The following AHRR variants were observed in gnomAD, a reference collection of about 807,000 sequenced individuals.
AHRR encodes the protein aryl hydrocarbon receptor repressor, also known as ahR repressor.
AHRR carries 28 observed loss-of-function variants against 44.0 expected under a neutral mutation model. The ratio of observed to expected loss-of-function variants is 0.64; its 90% CI spans 0.47 to 0.87. The LOEUF is 0.87. AHRR is among the 40% of genes least tolerant of loss of function. The pLI, the probability that AHRR is intolerant of heterozygous loss-of-function variation, is 0.00. For synonymous variants in AHRR, 434 were observed against 407.0 expected (o/e 1.07, Z -0.80); for missense variants, 990 against 953.9 (o/e 1.04, Z -0.50).
intron 1 of AHRR, among the ~76,000 whole-genome samples, chr5:324,057 C>CTCTCTT (rs1741614065): frequency 6.8e-6 from 1 of 146,262 alleles, no homozygotes; most frequent in African/African-American, 2.8e-5. Flanking sequence ...CTCTCTCTCT[C>CTCTCTT]TCTTTCTTTC....
At chr5:420,235 C>T (rs1018660547) in intron 5 of AHRR, among the ~76,000 whole-genome samples, 1 of 152,222 alleles carries the variant, frequency 6.6e-6, no homozygotes, top group Non-Finnish European at 1.5e-5. Context: ...GCTGTGAAGT[C>T]CTGGATTTGG....
intron 7 of AHRR, chr5:427,488 G>A (rs1275519937): frequency 8.6e-6 from 8 of 927,228 alleles, no homozygotes; most frequent in Admixed American, 2.3e-5. Flanking sequence ...TCCCACAGGC[G>A]CAGTTCGTGC....
Position 404,269 on chromosome 5 carries a change from G to A in AHRR, c.352-9075G>A, listed in dbSNP as rs765954544. The A allele has an allele frequency of 6.0e-6, 3 of 499,502 alleles. No individual in the cohort carries two copies. Among genetic ancestry groups the A allele is most frequent in the African/African-American group, 2.0e-5 (1 of 50,604 alleles). The allele number at this position is 499,502 out of a possible 1,614,324, so 30.9% of individuals were successfully genotyped here. On this transcript the variant is annotated intron_variant, in intron 4 of 10. Coordinates refer to ENST00000684583, the MANE Select transcript of AHRR (RefSeq NM_001377236.1). This position sits in a 1 kb window ranked among gnomAD's most constrained non-coding sequence, Gnocchi z 4.1. ...GCTCCATGCATGTTCCCAAATCATTGCCCTTCTCATCAAACATGTGAATAA... is the reference window on the plus strand; with the variant it reads ...GCTCCATGCATGTTCCCAAATCATTACCCTTCTCATCAAACATGTGAATAA...
chr5:327,896 T>C (rs951775996), intron 1 of AHRR, among the ~76,000 whole-genome samples: 3 of 152,172 alleles, frequency 2.0e-5, no homozygotes, highest in Non-Finnish European at 4.4e-5. Flanking sequence ...AACTCGTCAT[T>C]TAGCATTAGG....
intron 3 of AHRR, chr5:367,729 C>A: frequency 1.6e-6 from 1 of 644,024 alleles, no homozygotes; most frequent in South Asian, 1.7e-5. Flanking sequence ...ACACCACCCC[C>A]TCTGCTGCTC....
chr5:369,967 T>A (rs1373715902), intron 3 of AHRR, among the ~76,000 whole-genome samples: 1 of 152,232 alleles, frequency 6.6e-6, no homozygotes, highest in East Asian at 1.9e-4. Flanking sequence ...TTTGTAGGAA[T>A]GGTTGGGGTG....
chr5:421,770 A>G (rs1326982683), intron 5 of AHRR, among the ~76,000 whole-genome samples: 1 of 152,188 alleles, frequency 6.6e-6, no homozygotes, highest in Non-Finnish European at 1.5e-5. Flanking sequence ...GCTGTGTCTC[A>G]TCTTGTTCGG....
intron 3 of AHRR, among the ~76,000 whole-genome samples, chr5:369,658 C>T (rs918279724): frequency 4.6e-5 from 7 of 152,216 alleles, no homozygotes; most frequent in African/African-American, 1.2e-4. Context: ...GTGTCTGTCC[C>T]GAGTGCTTCC....
intron 4 of AHRR, among the ~76,000 whole-genome samples, chr5:398,146 CCT>C (rs1321466812): frequency 3.6e-5 from 5 of 140,370 alleles, no homozygotes; most frequent in Non-Finnish European, 7.6e-5. Context: ...CATGTTAGCC[CCT>C]GACCATCCAC....
Position 434,099 on chromosome 5 carries a change from G to C in AHRR, c.1359G>C (p.Pro453=), listed in dbSNP as rs370755723. ...TFRNSPISHP[P]SPSPSAYSSR... Reference sequence around the variant, plus strand: ...GGAACTCGCCCATCTCTCACCCGCCGAGCCCGTCCCCCAGTGCCTACTCCA... The same window carrying C: ...GGAACTCGCCCATCTCTCACCCGCCCAGCCCGTCCCCCAGTGCCTACTCCA... The change falls in exon 11 of 11, where the codon CCG becomes CCC. Residue 453 remains proline (P), a synonymous_variant. Coordinates refer to ENST00000684583, the MANE Select transcript of AHRR (RefSeq NM_001377236.1). The C allele has an allele frequency of 3.7e-6, 6 of 1,612,870 alleles. No homozygotes were observed. In the East Asian group the frequency reaches 1.3e-4, roughly 36 times the overall value.
intron 3 of AHRR, among the ~76,000 whole-genome samples, chr5:355,413 C>G (rs1743004395): frequency 6.6e-6 from 1 of 152,162 alleles, no homozygotes. Context: ...AGAGGGCAGT[C>G]CCCGTGTCTG....
intron 7 of AHRR, among the ~76,000 whole-genome samples, chr5:424,425 C>T (rs1379052144): frequency 7.9e-6 from 1 of 126,414 alleles, no homozygotes; most frequent in Non-Finnish European, 1.9e-5. Flanking sequence ...CTCTGTGCAC[C>T]CTGTGATGGT....
rs1176215280 is a variant in AHRR at position 419,706 on chromosome 5, G to C, written c.442-3023G>C. On this transcript the variant is annotated intron_variant, in intron 5 of 10. Transcript: ENST00000684583. This position sits in a 1 kb window ranked among gnomAD's most constrained non-coding sequence, Gnocchi z 4.4. ...TTACTGCACAGGGACCAACAGGCCG[G>C]CCCATAAGAGCTGATGGGGTTGGTA... Among the ~76,000 whole-genome samples, 1 of 152,092 alleles carries C rather than the reference G, an allele frequency of 6.6e-6. No homozygotes were observed. The highest frequency in any genetic ancestry group is 1.5e-5 in the Non-Finnish European group (1 of 68,016).
intron 5 of AHRR, among the ~76,000 whole-genome samples, chr5:415,761 G>A (rs765795431): frequency 2.0e-5 from 3 of 152,196 alleles, no homozygotes; most frequent in East Asian, 3.8e-4. Flanking sequence ...TGGAAGCCAC[G>A]AACCACCCCG....
At chr5:322,440 G>A (rs1741528552) in intron 1 of AHRR, 2 of 151,964 alleles carry the variant, frequency 1.3e-5, no homozygotes, top group Admixed American at 6.6e-5. Context: ...GCGTCCCACG[G>A]GCCTGTCCCA....
intron 7 of AHRR, 115 bp downstream of exon 7, chr5:424,092 T>C: frequency 5.1e-6 from 7 of 1,365,130 alleles, no homozygotes; most frequent in Non-Finnish European, 5.9e-6. Flanking sequence ...ATGTCCCTGG[T>C]GGAGGGACGG....
At chr5:328,162 A>G (rs1464266684) in intron 1 of AHRR, among the ~76,000 whole-genome samples, 2 of 150,886 alleles carry the variant, frequency 1.3e-5, no homozygotes, top group African/African-American at 2.4e-5. Context: ...TCTTTGAGAA[A>G]TCTCCATGCT....
chr5:426,967 C>CATGGATGG (rs144989841), intron 7 of AHRR, among the ~76,000 whole-genome samples: 2 of 111,892 alleles, frequency 1.8e-5, no homozygotes, highest in African/African-American at 3.7e-5. Context: ...TGGATGGAAA[C>CATGGATGG]ATGGATGGAT....
intron 1 of AHRR, among the ~76,000 whole-genome samples, chr5:341,673 C>T (rs571414780): frequency 2.5e-4 from 38 of 152,036 alleles, no homozygotes; most frequent in Non-Finnish European, 4.1e-4. Context: ...AGGCATGAGC[C>T]ACCACGCCCT....
Sources: allele counts gnomAD v4.1 joint callset (sites outside exome capture counted in the v4.1 genomes callset), GRCh38; gene constraint gnomAD v4.1.1; non-coding constraint Gnocchi (gnomAD v3.1); transcripts MANE v1.5; gene names NCBI Gene and HGNC (gene_info 2026-07-23, HGNC 2026-07-21).